Variants in STARD13 observed in about 807,000 individuals in gnomAD.
STARD13 encodes the protein StAR related lipid transfer domain containing 13, also known as stAR-related lipid transfer protein 13.
Under a neutral mutation model 106.4 loss-of-function variants are expected in STARD13, and 62 were observed. The observed-to-expected ratio is 0.58, with a 90% CI of 0.48 to 0.72. STARD13 has a LOEUF of 0.72. STARD13 is among the 30% of genes least tolerant of loss of function. STARD13 has a pLI of 0.00. For synonymous variants in STARD13, 565 were observed against 553.0 expected, an observed-to-expected ratio of 1.02 and a Z score of -0.31; for missense variants, 1,387 against 1,424.0, an observed-to-expected ratio of 0.97 and a Z score of 0.42.
the STARD13 span, among the ~76,000 whole-genome samples, chr13:33,386,560 C>G: frequency 6.6e-6 from 1 of 152,176 alleles, no homozygotes; most frequent in African/African-American, 2.4e-5. Context: ...GTGACCTCCT[C>G]TGGGGGGGTC....
the STARD13 span, among the ~76,000 whole-genome samples, chr13:33,573,545 A>G: frequency 2.0e-5 from 3 of 152,210 alleles, no homozygotes; most frequent in East Asian, 3.8e-4. Flanking sequence ...ACTTGGGTGT[A>G]CAAAAACACC....
At chr13:33,552,168 A>G in the STARD13 span, among the ~76,000 whole-genome samples, 1 of 152,180 alleles carries the variant, frequency 6.6e-6, no homozygotes, top group African/African-American at 2.4e-5. Flanking sequence ...CTAAAGAGAG[A>G]TATAGACAAT....
At chr13:33,265,770 C>A (rs1890867467) in intron 1 of STARD13, among the ~76,000 whole-genome samples, 1 of 151,828 alleles carries the variant, frequency 6.6e-6, no homozygotes, top group African/African-American at 2.4e-5. Context: ...TAAGGTGACC[C>A]AGACTTTACT....
At chr13:33,379,388 T>C in the STARD13 span, among the ~76,000 whole-genome samples, 1 of 152,358 alleles carries the variant, frequency 6.6e-6, no homozygotes, top group Non-Finnish European at 1.5e-5. Flanking sequence ...CAGATCTCTT[T>C]ACAATGGGGG....
chr13:33,211,087 C>A (rs1180627246), intron 1 of STARD13, among the ~76,000 whole-genome samples: 3 of 151,970 alleles, frequency 2.0e-5, no homozygotes, highest in Non-Finnish European at 2.9e-5. Flanking sequence ...AGGACAGGAT[C>A]ATTCCTTTTT....
chr13:33,504,307 T>C, the STARD13 span, among the ~76,000 whole-genome samples: 40 of 152,160 alleles, frequency 2.6e-4, no homozygotes, highest in African/African-American at 9.4e-4. Context: ...CATGCACACA[T>C]ATGTTTATTG....
chr13:33,614,738 G>GACAT, the STARD13 span, among the ~76,000 whole-genome samples: 1 of 152,314 alleles, frequency 6.6e-6, no homozygotes, highest in South Asian at 2.1e-4. Context: ...AGATCTGGGG[G>GACAT]ACATACATTT....
chr13:33,494,648 T>C, the STARD13 span, among the ~76,000 whole-genome samples: 1 of 152,106 alleles, frequency 6.6e-6, no homozygotes, highest in Non-Finnish European at 1.5e-5. Context: ...GTCAACAGGA[T>C]TGACTGTTAA....
upstream of STARD13, among the ~76,000 whole-genome samples, chr13:33,290,531 A>G (rs1444220527): frequency 6.6e-6 from 1 of 152,256 alleles, no homozygotes; most frequent in Non-Finnish European, 1.5e-5. Flanking sequence ...ACTCCATGAA[A>G]GAGCTTGGTC....
At chr13:33,131,573 A>G (rs1170904281) in intron 4 of STARD13, among the ~76,000 whole-genome samples, 1 of 152,162 alleles carries the variant, frequency 6.6e-6, no homozygotes, top group Non-Finnish European at 1.5e-5. Flanking sequence ...ACAAAGTGAG[A>G]CACTATCTCA....
chr13:33,529,198 G>T, the STARD13 span, among the ~76,000 whole-genome samples: 1 of 152,142 alleles, frequency 6.6e-6, no homozygotes, highest in Admixed American at 6.5e-5. Flanking sequence ...GAAAGTTAGT[G>T]CCCTGTTGAT....
At chr13:33,664,495 A>T in the STARD13 span, among the ~76,000 whole-genome samples, 1 of 152,170 alleles carries the variant, frequency 6.6e-6, no homozygotes, top group South Asian at 2.1e-4. Flanking sequence ...GCTGCATGTG[A>T]TGAAACTTAG....
At chr13:33,212,391 G>C (rs1887774436) in intron 1 of STARD13, among the ~76,000 whole-genome samples, 2 of 151,764 alleles carry the variant, frequency 1.3e-5, no homozygotes, top group Non-Finnish European at 2.9e-5. Context: ...ATTTTAAGCA[G>C]AAAATAAAGC....
intron 1 of STARD13, among the ~76,000 whole-genome samples, chr13:33,199,414 A>G (rs1297418718): frequency 6.6e-6 from 1 of 152,200 alleles, no homozygotes; most frequent in East Asian, 1.9e-4. Flanking sequence ...ATTTTGGAGG[A>G]GGAGAACTGT....
chr13:33,584,681 A>G, the STARD13 span, among the ~76,000 whole-genome samples: 1 of 152,172 alleles, frequency 6.6e-6, no homozygotes, highest in Admixed American at 6.5e-5. Flanking sequence ...ATTGTATCAA[A>G]TTAGCAAAAT....
intron 1 of STARD13, among the ~76,000 whole-genome samples, chr13:33,307,095 A>G (rs543730408): frequency 5.9e-5 from 9 of 152,324 alleles, no homozygotes; most frequent in Non-Finnish European, 7.4e-5. Flanking sequence ...GCAAATCAAA[A>G]CCACAATGAG....
intron 1 of STARD13, among the ~76,000 whole-genome samples, chr13:33,307,265 A>G (rs1170292231): frequency 6.6e-6 from 1 of 152,260 alleles, no homozygotes; most frequent in Non-Finnish European, 1.5e-5. Context: ...TCAAAGACCT[A>G]AAAGCAGAAC....
chr13:33,164,222 C>G (rs533480296), intron 3 of STARD13: 3 of 152,202 alleles, frequency 2.0e-5, no homozygotes, highest in East Asian at 3.9e-4. Context: ...CCTATTTTCT[C>G]TTCATATAGA....
chr13:33,293,778 C>T (rs565785481), intron 1 of STARD13, among the ~76,000 whole-genome samples: 1 of 152,316 alleles, frequency 6.6e-6, no homozygotes, highest in South Asian at 2.1e-4. Flanking sequence ...GCCTCCCAGC[C>T]TACATCTTTC....
Sources: gnomAD v4.1 joint callset for allele counts (sites outside exome capture counted in the v4.1 genomes callset) on GRCh38, gnomAD v4.1.1 for gene constraint, MANE v1.5 for transcripts, NCBI Gene and HGNC (gene_info 2026-07-23, HGNC 2026-07-21) for gene names.